Variants in ABCF1 observed in about 807,000 individuals in gnomAD.
ABCF1 encodes ATP-binding cassette sub-family F member 1.
ABCF1 carries 73 observed loss-of-function variants against 126.3 expected under a neutral mutation model. The observed-to-expected ratio is 0.58, with a 90% CI of 0.48 to 0.70. The LOEUF (loss-of-function observed/expected upper bound fraction) is 0.70. ABCF1 is among the 30% of genes least tolerant of loss of function. The pLI, the probability that ABCF1 is intolerant of heterozygous loss-of-function variation, is 0.00. For missense variants in ABCF1, 786 were observed against 1,057.5 expected, an observed-to-expected ratio of 0.74 and a Z score of 3.56; for synonymous variants, 345 against 396.4, an observed-to-expected ratio of 0.87 and a Z score of 1.54.
intron 1 of ABCF1, among the ~76,000 whole-genome samples, chr6:30,572,847 C>T (rs1033742731): frequency 6.6e-5 from 10 of 152,272 alleles, no homozygotes; most frequent in Non-Finnish European, 8.8e-5. Flanking sequence ...CAAGGGGAAG[C>T]GCATTCCAAG....
intron 16 of ABCF1, 37 bp downstream of exon 16, chr6:30,585,719 G>A (rs1434543061): frequency 6.2e-7 from 1 of 1,608,778 alleles, no homozygotes. Flanking sequence ...GGAAGAGATA[G>A]AACCTCGAAA....
At position 30,583,273 on chromosome 6, in the gene ABCF1, A is replaced by G; in HGVS notation, c.915+85A>G. 6.6e-7 allele frequency: 1 copy of G among 1,515,062 alleles called. No individual in the cohort carries two copies. The highest frequency in any genetic ancestry group is 8.9e-7 in the Non-Finnish European group (1 of 1,117,790). 93.9% of individuals were successfully genotyped at this position (1,515,062 alleles called of 1,614,324 possible). On this transcript the variant is annotated intron_variant, in intron 10 of 24. Transcript: ENST00000326195. The surrounding 1 kb of genome is among the most constrained non-coding windows in gnomAD (Gnocchi z 4.1). ...CTTCCCTGAGTGGCTGTGGTGTGTG[A>G]ATGGGTTAGTTCAGTGGGAAGAAAG...
chr6:30,577,569 AG>A, intron 2 of ABCF1, 114 bp downstream of exon 2: 1 of 1,333,938 alleles, frequency 7.5e-7, no homozygotes, highest in Non-Finnish European at 1.0e-6. Flanking sequence ...TTGTCAAGAG[AG>A]GAGATAGGCA....
chr6:30,582,670 T>C (rs1027476829), intron 9 of ABCF1, among the ~76,000 whole-genome samples, 163 bp downstream of exon 9: 3 of 152,168 alleles, frequency 2.0e-5, no homozygotes, highest in African/African-American at 7.2e-5. Flanking sequence ...CAATGTCTGA[T>C]GACATGGGCT....
Position 30,583,178 on chromosome 6 carries a change from C to CT in ABCF1, c.906dup (p.Asp303Ter). 1 of 1,607,164 alleles carries CT rather than the reference C, an allele frequency of 6.2e-7. No individual in the cohort carries two copies. The highest frequency in any genetic ancestry group is 8.5e-7 in the Non-Finnish European group (1 of 1,175,034). ...CGCCAAGCCATGTTAGAAAATGCAT[C>CT]TGACATCAAGGTAAGGTCTCAAGGG... On this transcript the variant is annotated frameshift_variant, in exon 10 of 25. Transcript: ENST00000326195. LOFTEE classifies it high-confidence loss of function. The surrounding 1 kb of genome is among the most constrained non-coding windows in gnomAD (Gnocchi z 4.1).
At position 30,587,122 on chromosome 6, in the gene ABCF1, C is replaced by T. The variant is rs564895347; in HGVS notation, c.2031+411C>T. On this transcript the variant is annotated intron_variant, in intron 20 of 24. Coordinates refer to ENST00000326195, the MANE Select transcript of ABCF1 (RefSeq NM_001025091.2). ...TACAAAAATTAGCCGTGTGCGGTGG[C>T]GCGCACCTATATCCTAGCTACTCAG... 1.4e-4 allele frequency among the ~76,000 whole-genome samples: 22 copies of T among 152,108 alleles called. 1 individual carries two copies. The East Asian group carries it at 2.1e-3, about 15-fold the overall frequency.
At chr6:30,589,447 C>T in intron 20 of ABCF1, 2 of 574,102 alleles carry the variant, frequency 3.5e-6, no homozygotes, top group Non-Finnish European at 6.2e-6. Flanking sequence ...ACTAAAAATA[C>T]AAAAAATTAG....
rs1335702322 is a variant in ABCF1, at chr6:30,584,518, C to T, written c.1343C>T (p.Pro448Leu). 1 of 1,612,676 alleles carries T rather than the reference C, an allele frequency of 6.2e-7. No individual in the cohort carries two copies. The change falls in exon 14 of 25, where the codon CCC (proline) becomes CTC (leucine). Residue 448 changes from proline (P) to leucine (L), a missense_variant. By Grantham distance (98) the Pro-to-Leu change is moderately conservative. Coordinates refer to ENST00000326195, the MANE Select transcript of ABCF1 (RefSeq NM_001025091.2). The surrounding 1 kb of genome is among the most constrained non-coding windows in gnomAD (Gnocchi z 4.6). ...TTTGACCCTGAAATGCAGAATCGAC[C>T]CACACAGAAGTTCTCAGGGGGCTGG... ...LGFDPEMQNR[P>L]TQKFSGGWRM...
At chr6:30,582,933 TC>T in intron 9 of ABCF1, 132 bp from the exon 10 acceptor site, 4 of 1,200,732 alleles carry the variant, frequency 3.3e-6, no homozygotes, top group Non-Finnish European at 4.7e-6. Flanking sequence ...GCTCAAGAGA[TC>T]CACCTACCTC....
At position 30,571,691 on chromosome 6, in the gene ABCF1, G is replaced by C. The variant is rs536928972; in HGVS notation, c.73+131G>C. ...GGAGTTACTGCGCATGCGTGCCGTGGGCCCGGGAGGAGTTTGCCGGGGAGG... is the reference window on the plus strand; with the variant it reads ...GGAGTTACTGCGCATGCGTGCCGTGCGCCCGGGAGGAGTTTGCCGGGGAGG... On this transcript the variant is annotated intron_variant, in intron 1 of 24. Coordinates refer to ENST00000326195, the MANE Select transcript of ABCF1 (RefSeq NM_001025091.2). The C allele has an allele frequency of 1.5e-5, 15 of 1,010,296 alleles. No individual in the cohort carries two copies. In the Admixed American group the frequency reaches 2.8e-4, roughly 19 times the overall value. The allele number at this position is 1,010,296 out of a possible 1,614,324, so 62.6% of individuals were successfully genotyped here.
rs1265898682 is a variant in ABCF1, at chr6:30,579,952, C to T, written c.511C>T (p.Pro171Ser). 6 of 1,612,796 alleles carry T rather than the reference C, an allele frequency of 3.7e-6. No individual in the cohort carries two copies. The highest frequency in any genetic ancestry group is 5.1e-6 in the Non-Finnish European group (6 of 1,179,920). ...INKAVSEEQQ[P>S]ALKGKKGKEE... ...CCAGGCCGTATCTGAGGAACAGCAG[C>T]CTGCACTCAAGGGCAAAAAGGGAAA... The change falls in exon 7 of 25, where the codon CCT becomes TCT. Residue 171 changes from proline (P) to serine (S), a missense_variant. Physicochemically the swap from Pro to Ser is moderately conservative, Grantham distance 74 (BLOSUM62 -1). Transcript: ENST00000326195.
chr6:30,574,346 C>T lies in ABCF1; in HGVS notation c.73+2786C>T, dbSNP rs574032776. Among the ~76,000 whole-genome samples, 3 of 152,216 alleles carry T rather than the reference C, an allele frequency of 2.0e-5. No individual in the cohort carries two copies. Among genetic ancestry groups the T allele is most frequent in the African/African-American group, 7.2e-5 (3 of 41,538 alleles). ...AGAGATGAGGTCTTGCTATGTTGCC[C>T]AGGCTAATCTTGAACCTCTGGCCTC... On this transcript the variant is annotated intron_variant, in intron 1 of 24. Coordinates refer to ENST00000326195, the MANE Select transcript of ABCF1 (RefSeq NM_001025091.2). This position sits in a 1 kb window ranked among gnomAD's most constrained non-coding sequence, Gnocchi z 4.3.
Position 30,586,907 on chromosome 6 carries a change from A to C in ABCF1, c.2031+196A>C, listed in dbSNP as rs544029798. 8.5e-5 allele frequency among the ~76,000 whole-genome samples: 13 copies of C among 152,292 alleles called. No homozygotes were observed. Among genetic ancestry groups the C allele is most frequent in the African/African-American group, 3.1e-4 (13 of 41,562 alleles). ...TTCAGGGGGGAGAGCTAAGAGAATT[A>C]AGATAGAACTAGGGGGCACACCCAC... On this transcript the variant is annotated intron_variant, in intron 20 of 24. Coordinates refer to ENST00000326195, the MANE Select transcript of ABCF1 (RefSeq NM_001025091.2). The surrounding 1 kb of genome is among the most constrained non-coding windows in gnomAD (Gnocchi z 4.9).
intron 1 of ABCF1, 81 bp from the exon 2 acceptor site, chr6:30,577,328 G>C (rs1467836684): frequency 2.3e-6 from 3 of 1,318,852 alleles, no homozygotes; most frequent in African/African-American, 1.5e-5. Context: ...TAGGATAGAG[G>C]CTACAGAGAT....
chr6:30,579,914 A>G lies in ABCF1; in HGVS notation c.490-17A>G, dbSNP rs753496316. On this transcript the variant is annotated splice_polypyrimidine_tract_variant and intron_variant, in intron 6 of 24. Transcript: ENST00000326195. The stretch of plus-strand genomic sequence containing the variant: ...ATTTGTATGTATGTGTGTAATGTGT[A>G]TGTGTGTCTCCTCCAGGCCGTATCT... 3 of 1,611,646 alleles carry G rather than the reference A, an allele frequency of 1.9e-6. No individual in the cohort carries two copies. The South Asian group carries it at 3.3e-5, about 18-fold the overall frequency.
chr6:30,571,790 AAAAG>A (rs1220725476), intron 1 of ABCF1, among the ~76,000 whole-genome samples: 1 of 152,120 alleles, frequency 6.6e-6, no homozygotes, highest in East Asian at 1.9e-4. Flanking sequence ...TGGGCGAGAT[AAAAG>A]AAAGAGCATA....
rs541659252 is a variant in ABCF1 at position 30,583,430 on chromosome 6, C to T, written c.916-178C>T. Among the ~76,000 whole-genome samples the T allele has an allele frequency of 1.3e-5, 2 of 152,298 alleles. No individual in the cohort carries two copies. Among genetic ancestry groups the T allele is most frequent in the East Asian group, 1.9e-4 (1 of 5,188 alleles). On this transcript the variant is annotated intron_variant, in intron 10 of 24. Coordinates refer to ENST00000326195, the MANE Select transcript of ABCF1 (RefSeq NM_001025091.2). The surrounding 1 kb of genome is among the most constrained non-coding windows in gnomAD (Gnocchi z 4.1). ...AGACTAGCTGAGGATGCATGGGGCT[C>T]CCATTACAGGCAGCGAACAGGGCGG...
chr6:30,589,242 C>CT (rs1260574894), intron 20 of ABCF1, among the ~76,000 whole-genome samples: 2 of 151,982 alleles, frequency 1.3e-5, no homozygotes, highest in Non-Finnish European at 2.9e-5. Flanking sequence ...TAAGTGCCTC[C>CT]TGACCTGCCT....
chr6:30,580,240 G>A (rs972706309), intron 7 of ABCF1, among the ~76,000 whole-genome samples, 166 bp from the exon 8 acceptor site: 2 of 151,700 alleles, frequency 1.3e-5, no homozygotes, highest in Admixed American at 1.3e-4. Context: ...CCAGCTACTC[G>A]GGAGGCTGAG....
Sources: gnomAD v4.1 joint callset for allele counts (sites outside exome capture counted in the v4.1 genomes callset) on GRCh38, gnomAD v4.1.1 for gene constraint, Gnocchi (gnomAD v3.1) non-coding constraint, MANE v1.5 for transcripts, NCBI Gene and HGNC (gene_info 2026-07-23, HGNC 2026-07-21) for gene names.